The following SNX5 variants were observed in gnomAD, a reference collection of about 807,000 sequenced individuals.
SNX5 encodes sorting nexin 5.
Under a neutral mutation model 53.9 loss-of-function variants are expected in SNX5, and 31 were observed. That is an observed-to-expected ratio of 0.58 (90% CI 0.43 to 0.78). The LOEUF is 0.78. Ranked by LOEUF, SNX5 falls within the 30% of genes least tolerant of loss-of-function variation. The pLI is 0.00. For synonymous variants in SNX5, 168 were observed against 171.1 expected, an observed-to-expected ratio of 0.98 and a Z score of 0.14; for missense variants, 471 against 478.8, an observed-to-expected ratio of 0.98 and a Z score of 0.15.
chr20:17,967,616 T>G (rs767661832), intron 1 of SNX5: 2 of 153,930 alleles, frequency 1.3e-5, no homozygotes, highest in African/African-American at 4.8e-5. Context: ...GCAAGAAAGG[T>G]TGCTCGCAAA....
rs183219438 is a variant in SNX5 at position 17,968,069 on chromosome 20, T to C, written c.51+306A>G. On this transcript the variant is annotated intron_variant, in intron 1 of 12. Coordinates refer to ENST00000377759, the MANE Select transcript of SNX5 (RefSeq NM_014426.4). ...GTCACCACGAAGCCGAGGAAAGTTT[T>C]AAAAAGAACATTCCGGGGTCTCCAG... The C allele has an allele frequency of 1.1e-4, 45 of 398,608 alleles. 1 individual carries two copies. Among genetic ancestry groups the C allele is most frequent in the African/African-American group, 8.2e-4 (40 of 48,720 alleles). The allele number at this position is 398,608 out of a possible 1,614,324, so 24.7% of individuals were successfully genotyped here.
intron 11 of SNX5, among the ~76,000 whole-genome samples, chr20:17,946,066 A>G (rs910411028): frequency 6.6e-6 from 1 of 152,190 alleles, no homozygotes; most frequent in Admixed American, 6.5e-5. Context: ...AGATCCACAG[A>G]ATCCTCTTAG....
At chr20:17,945,451 G>A (rs967135509) in intron 11 of SNX5, 5 of 152,196 alleles carry the variant, frequency 3.3e-5, no homozygotes, top group African/African-American at 1.2e-4. Context: ...TATAATCAAT[G>A]TGGGCGAAAA....
At chr20:17,963,619 C>T (rs1377523211) in intron 1 of SNX5, among the ~76,000 whole-genome samples, 1 of 152,108 alleles carries the variant, frequency 6.6e-6, no homozygotes, top group Admixed American at 6.5e-5. Flanking sequence ...CAGGGTCTCA[C>T]TCTGTTGCCA....
intron 11 of SNX5, chr20:17,943,933 A>G (rs1281777631): frequency 6.6e-6 from 1 of 152,288 alleles, no homozygotes; most frequent in Non-Finnish European, 1.5e-5. Flanking sequence ...ACAATAGCCA[A>G]AATACAAAAT....
rs772623702 is a variant in SNX5, at chr20:17,950,124, A to G, written c.791+8T>C. On this transcript the variant is annotated splice_region_variant and intron_variant, in intron 8 of 12. Transcript: ENST00000377759. ...GGTTAGGGGAAATGCTTTTCCAAAAAAACTTACTTTTTGATGACTGTGGGC... is the reference window on the plus strand; with the variant it reads ...GGTTAGGGGAAATGCTTTTCCAAAAGAACTTACTTTTTGATGACTGTGGGC... The G allele has an allele frequency of 6.2e-7, 1 of 1,613,832 alleles. No homozygotes were observed. The highest frequency in any genetic ancestry group is 1.3e-5 in the African/African-American group (1 of 74,934).
intron 3 of SNX5, among the ~76,000 whole-genome samples, chr20:17,955,113 G>A (rs959537808): frequency 6.6e-6 from 1 of 152,016 alleles, no homozygotes. Context: ...AAACCTAAAG[G>A]TAGGTAAGAC....
chr20:17,942,688 T>C, intron 12 of SNX5: 1 of 473,316 alleles, frequency 2.1e-6, no homozygotes, highest in Non-Finnish European at 3.8e-6. Context: ...GTGATCCTGC[T>C]TACTGTAACT....
intron 1 of SNX5, among the ~76,000 whole-genome samples, chr20:17,964,869 A>T (rs996412302): frequency 1.1e-4 from 17 of 152,176 alleles, no homozygotes; most frequent in African/African-American, 3.6e-4. Context: ...GTAAGTTTCC[A>T]GTGTCCAAAG....
intron 1 of SNX5, among the ~76,000 whole-genome samples, chr20:17,957,759 G>C (rs1014468682): frequency 5.3e-5 from 8 of 152,198 alleles, no homozygotes; most frequent in Admixed American, 5.2e-4. Context: ...ACAGAGAACA[G>C]TCATGTGGAA....
intron 1 of SNX5, among the ~76,000 whole-genome samples, chr20:17,966,543 A>G (rs2035540379): frequency 6.6e-6 from 1 of 152,250 alleles, no homozygotes; most frequent in Non-Finnish European, 1.5e-5. Context: ...GCTACCAGAC[A>G]CGACTGACAC....
Position 17,962,786 on chromosome 20 carries a change from A to C in SNX5, c.51+5589T>G, listed in dbSNP as rs769778780. 9 of 519,226 alleles carry C rather than the reference A, an allele frequency of 1.7e-5. No individual in the cohort carries two copies. In the East Asian group the frequency reaches 4.9e-4, roughly 28 times the overall value. The allele number at this position is 519,226 out of a possible 1,614,324, so 32.2% of individuals were successfully genotyped here. A position where few individuals can be genotyped will look rare whatever the true frequency, so the allele number is the denominator to read the frequency against. ...GTCCCTGCTGACACCAACCATTCTT[A>C]CCGGTAGCCTGCCAACACACAAGCA... On this transcript the variant is annotated intron_variant, in intron 1 of 12. Coordinates refer to ENST00000377759, the MANE Select transcript of SNX5 (RefSeq NM_014426.4).
At chr20:17,961,795 G>A (rs1261575594) in intron 1 of SNX5, 1 of 985,290 alleles carries the variant, frequency 1.0e-6, no homozygotes, top group African/African-American at 1.7e-5. Context: ...TTGCCAGCAA[G>A]AGGGCCAATA....
chr20:17,951,285 T>A, intron 6 of SNX5: 1 of 519,064 alleles, frequency 1.9e-6, no homozygotes, highest in Non-Finnish European at 3.5e-6. Flanking sequence ...AAGCCAAGTG[T>A]GGAAAGGTTC....
intron 1 of SNX5, among the ~76,000 whole-genome samples, chr20:17,966,880 G>A (rs2122438221): frequency 1.3e-5 from 2 of 152,284 alleles, no homozygotes; most frequent in South Asian, 2.1e-4. Flanking sequence ...ACCACAGCAG[G>A]TTATCAGCAT....
In SNX5 at chr20:17,968,389, C is replaced by T; in HGVS notation, c.37G>A (p.Glu13Lys). ...GAGGACCTCACCTTGCTGCGGTCCT[C>T]CTCCTGCTGCTGCAGCAACTCGGGA... ...AVPELLQQQEEDRSKLRSVSV... is the reference protein window; with the variant it reads ...AVPELLQQQEKDRSKLRSVSV... The change falls in exon 1 of 13, where the codon GAG becomes AAG. Residue 13 changes from glutamate (E) to lysine (K), a missense_variant. Physicochemically the swap from Glu to Lys is moderately conservative, Grantham distance 56. Coordinates refer to ENST00000377759, the MANE Select transcript of SNX5 (RefSeq NM_014426.4). 2 of 1,286,110 alleles carry T rather than the reference C, an allele frequency of 1.6e-6. No homozygotes were observed. The highest frequency in any genetic ancestry group is 2.0e-6 in the Non-Finnish European group (2 of 1,013,350). 79.7% of individuals were successfully genotyped at this position (1,286,110 alleles called of 1,614,324 possible).
intron 6 of SNX5, 34 bp from the exon 7 acceptor site, chr20:17,950,430 T>G (rs775482043): frequency 3.4e-6 from 4 of 1,168,980 alleles, no homozygotes; most frequent in Non-Finnish European, 3.8e-6. Flanking sequence ...AGACATTTCA[T>G]GAAATATACT....
chr20:17,966,977 G>A (rs935306221), intron 1 of SNX5, among the ~76,000 whole-genome samples: 1 of 152,110 alleles, frequency 6.6e-6, no homozygotes, highest in African/African-American at 2.4e-5. Context: ...ATGTAAAAAG[G>A]AAAACAATGT....
intron 1 of SNX5, chr20:17,962,761 G>T (rs778131113): frequency 1.9e-6 from 1 of 519,190 alleles, no homozygotes; most frequent in Non-Finnish European, 3.8e-6. Context: ...AGAGGGCCCC[G>T]TCCCTGCTGA....
Sources: gnomAD v4.1 joint callset for allele counts (sites outside exome capture counted in the v4.1 genomes callset) on GRCh38, gnomAD v4.1.1 for gene constraint, MANE v1.5 for transcripts, NCBI Gene and HGNC (gene_info 2026-07-23, HGNC 2026-07-21) for gene names.